The following RAB27B variants were observed in gnomAD, a reference collection of about 807,000 sequenced individuals.
The protein encoded by RAB27B is RAB27B, member RAS oncogene family, also known as ras-related protein Rab-27B.
Under a neutral mutation model 24.6 loss-of-function variants are expected in RAB27B, and 15 were observed. The observed-to-expected ratio is 0.61, with a 90% CI of 0.41 to 0.94. The LOEUF is 0.94. Among genes scored for constraint, RAB27B ranks in the 40% least tolerant of loss-of-function variants. RAB27B has a pLI of 0.00. For missense variants in RAB27B, 261 were observed against 266.8 expected (o/e 0.98, Z 0.15); for synonymous variants, 105 against 92.5 (o/e 1.14, Z -0.78).
intron 3 of RAB27B, 56 bp from the exon 4 acceptor site, chr18:54,884,277 G>T (rs1403121725): frequency 2.0e-5 from 21 of 1,047,202 alleles, no homozygotes; most frequent in Non-Finnish European, 3.1e-5. Context: ...TATTTGTGTT[G>T]TTGTCAAAGA....
intron 2 of RAB27B, among the ~76,000 whole-genome samples, chr18:54,791,778 A>C (rs1446457824): frequency 6.6e-6 from 1 of 152,190 alleles, no homozygotes; most frequent in Non-Finnish European, 1.5e-5. Context: ...ACAAAGACAC[A>C]AGCAGCTGGA....
chr18:54,772,407 C>T (rs529373562), intron 2 of RAB27B, among the ~76,000 whole-genome samples: 139 of 152,298 alleles, frequency 9.1e-4, no homozygotes, highest in African/African-American at 3.2e-3. Flanking sequence ...TTAGAGCTCT[C>T]CTGCCTCTTC....
Position 54,895,020 on chromosome 18 carries a change from T to A in RAB27B, c.*5607T>A, listed in dbSNP as rs1459319203. 1.3e-5 allele frequency: 2 copies of A among 152,062 alleles called. No homozygotes were observed. The highest frequency in any genetic ancestry group is 1.9e-4 in the East Asian group (1 of 5,188). 9.4% of individuals were successfully genotyped at this position (152,062 alleles called of 1,614,324 possible). On this transcript the variant is annotated 3_prime_UTR_variant, in exon 6 of 6. Coordinates refer to ENST00000262094, the MANE Select transcript of RAB27B (RefSeq NM_004163.4). ...TTCTAGGTAGTATATTACAAGTTGG[T>A]CAAAATATTCCATGTACAAATAGGG... is the stretch of plus-strand genomic sequence containing the variant.
At position 54,877,472 on chromosome 18, in the gene RAB27B, T is replaced by C. The variant is rs945264864; in HGVS notation, c.-19-95T>C. 16 of 1,051,930 alleles carry C rather than the reference T, an allele frequency of 1.5e-5. No homozygotes were observed. The South Asian group carries it at 3.6e-4, about 24-fold the overall frequency. The allele number at this position is 1,051,930 out of a possible 1,614,324, so 65.2% of individuals were successfully genotyped here. ...TGGCAGAATAGAGGTATTCAACTTT[T>C]TAACCCTGAAAATTAAATTTATGTC... On this transcript the variant is annotated intron_variant, in intron 1 of 5. Coordinates refer to ENST00000262094, the MANE Select transcript of RAB27B (RefSeq NM_004163.4).
intron 2 of RAB27B, among the ~76,000 whole-genome samples, chr18:54,784,605 G>A (rs1001678829): frequency 2.0e-5 from 3 of 152,164 alleles, no homozygotes; most frequent in Non-Finnish European, 2.9e-5. Context: ...TAGGATAATG[G>A]CCTCCAGCTG....
intron 2 of RAB27B, among the ~76,000 whole-genome samples, chr18:54,804,904 C>CTCTTTCTTTCTT (rs777177556): frequency 0.033 from 1,600 of 47,824 alleles, 35 homozygotes; most frequent in Admixed American, 0.046. Context: ...CTTTCTCTCT[C>CTCTTTCTTTCTT]TCTTTCTTTC....
intron 1 of RAB27B, among the ~76,000 whole-genome samples, chr18:54,844,341 C>T (rs1372847635): frequency 6.6e-6 from 1 of 151,760 alleles, no homozygotes; most frequent in Non-Finnish European, 1.5e-5. Flanking sequence ...ACTTCATGAA[C>T]TAACGTACTT....
chr18:54,743,706 G>A (rs1910142744), intron 2 of RAB27B, among the ~76,000 whole-genome samples: 2 of 152,294 alleles, frequency 1.3e-5, no homozygotes, highest in Non-Finnish European at 2.9e-5. Flanking sequence ...GAGAGTAATA[G>A]GAGGTGAGAT....
chr18:54,828,206 T>C (rs1010595770), upstream of RAB27B: 5 of 152,174 alleles, frequency 3.3e-5, no homozygotes, highest in African/African-American at 1.2e-4. Flanking sequence ...CACAGCGCCC[T>C]GGGCTCTTTG....
chr18:54,810,959 G>A (rs888270812), intron 2 of RAB27B, among the ~76,000 whole-genome samples: 4 of 151,964 alleles, frequency 2.6e-5, no homozygotes, highest in African/African-American at 9.7e-5. Context: ...TATGAATTCT[G>A]TTGTTAAATT....
rs1913367242 is a variant in RAB27B at position 54,891,454 on chromosome 18, G to A, written c.*2041G>A. The A allele has an allele frequency of 6.6e-6, 1 of 152,048 alleles. No individual in the cohort carries two copies. The highest frequency in any genetic ancestry group is 1.5e-5 in the Non-Finnish European group (1 of 68,002). The allele number at this position is 152,048 out of a possible 1,614,324, so 9.4% of individuals were successfully genotyped here. A position where few individuals can be genotyped will look rare whatever the true frequency, so the allele number is the denominator to read the frequency against. On this transcript the variant is annotated 3_prime_UTR_variant, in exon 6 of 6. Coordinates refer to ENST00000262094, the MANE Select transcript of RAB27B (RefSeq NM_004163.4). Reference sequence around the variant, plus strand: ...GCCTGTGCCATGAAGATAGAAAACTGTAAGCTAACATTTAAGATGTTTCTT... The same window carrying A: ...GCCTGTGCCATGAAGATAGAAAACTATAAGCTAACATTTAAGATGTTTCTT...
intron 1 of RAB27B, among the ~76,000 whole-genome samples, chr18:54,871,036 G>A (rs1365542779): frequency 6.6e-6 from 1 of 152,052 alleles, no homozygotes; most frequent in African/African-American, 2.4e-5. Context: ...TAAGCCAAAG[G>A]CAAAAATGTT....
At chr18:54,785,063 C>T (rs1243157524) in intron 2 of RAB27B, among the ~76,000 whole-genome samples, 1 of 152,044 alleles carries the variant, frequency 6.6e-6, no homozygotes, top group African/African-American at 2.4e-5. Flanking sequence ...AGTCACATTC[C>T]TGCCTCAGGG....
At chr18:54,837,835 G>A (rs2145195172) in intron 1 of RAB27B, among the ~76,000 whole-genome samples, 1 of 152,170 alleles carries the variant, frequency 6.6e-6, no homozygotes, top group East Asian at 1.9e-4. Flanking sequence ...TTCAATTGAA[G>A]GACATAATAA....
chr18:54,837,386 C>G (rs1014461903), intron 1 of RAB27B, among the ~76,000 whole-genome samples: 1 of 151,966 alleles, frequency 6.6e-6, no homozygotes, highest in African/African-American at 2.4e-5. Context: ...TCTGGCTGTA[C>G]TAAGGCAATA....
Position 54,892,221 on chromosome 18 carries a change from A to G in RAB27B, c.*2808A>G, listed in dbSNP as rs79514698. Reference sequence around the variant, plus strand: ...AATGTACATGAAGCTCCTTTCTGATATAGAAACCATTTCTGGAGTATTTAC... The same window carrying G: ...AATGTACATGAAGCTCCTTTCTGATGTAGAAACCATTTCTGGAGTATTTAC... On this transcript the variant is annotated 3_prime_UTR_variant, in exon 6 of 6. Coordinates refer to ENST00000262094, the MANE Select transcript of RAB27B (RefSeq NM_004163.4). 377 of 152,218 alleles carry G rather than the reference A, an allele frequency of 2.5e-3. 4 individuals are homozygous for G. The highest frequency in any genetic ancestry group is 8.4e-3 in the African/African-American group (350 of 41,562). The allele number at this position is 152,218 out of a possible 1,614,324, so 9.4% of individuals were successfully genotyped here. A position where few individuals can be genotyped will look rare whatever the true frequency, so the allele number is the denominator to read the frequency against.
chr18:54,821,366 A>G (rs1018893845), intron 2 of RAB27B, among the ~76,000 whole-genome samples: 2 of 152,180 alleles, frequency 1.3e-5, no homozygotes, highest in East Asian at 3.9e-4. Flanking sequence ...ACTGCAAACC[A>G]CTGCTCAGTG....
chr18:54,791,302 G>A (rs570143108), intron 2 of RAB27B, among the ~76,000 whole-genome samples: 3 of 152,150 alleles, frequency 2.0e-5, no homozygotes, highest in Non-Finnish European at 4.4e-5. Flanking sequence ...GATTGGGTGC[G>A]GTGGCTTATG....
intron 2 of RAB27B, among the ~76,000 whole-genome samples, chr18:54,754,394 G>A (rs116348930): frequency 0.011 from 1,673 of 152,132 alleles, 39 homozygotes; most frequent in African/African-American, 0.038. Flanking sequence ...TCTTTATAGC[G>A]GTGTGAGAAC....
Sources: gnomAD v4.1 joint callset for allele counts (sites outside exome capture counted in the v4.1 genomes callset) on GRCh38, gnomAD v4.1.1 for gene constraint, MANE v1.5 for transcripts, NCBI Gene and HGNC (gene_info 2026-07-23, HGNC 2026-07-21) for gene names.